The following PTPRG variants were observed in gnomAD, a reference collection of about 807,000 sequenced individuals.
PTPRG encodes the protein protein tyrosine phosphatase receptor type G.
Under a neutral mutation model 165.3 loss-of-function variants are expected in PTPRG, and 102 were observed. That is an observed-to-expected ratio of 0.62 (90% CI 0.53 to 0.73). The LOEUF (loss-of-function observed/expected upper bound fraction) is 0.73. Among genes scored for constraint, PTPRG ranks in the 30% least tolerant of loss-of-function variants. PTPRG has a pLI of 0.00. For synonymous variants in PTPRG, 675 were observed against 669.5 expected, an observed-to-expected ratio of 1.01 and a Z score of -0.13; for missense variants, 1,866 against 1,861.4, an observed-to-expected ratio of 1.00 and a Z score of -0.05.
intron 1 of PTPRG, among the ~76,000 whole-genome samples, chr3:61,648,170 A>C (rs1036444910): frequency 2.0e-5 from 3 of 152,118 alleles, no homozygotes; most frequent in Non-Finnish European, 4.4e-5. Context: ...GGTGTTGTGG[A>C]CCCCCATGGT....
At chr3:61,819,796 A>G (rs1319962584) in intron 2 of PTPRG, among the ~76,000 whole-genome samples, 1 of 152,226 alleles carries the variant, frequency 6.6e-6, no homozygotes, top group African/African-American at 2.4e-5. Flanking sequence ...GTAAATGGAG[A>G]TAAAAGGGGA....
chr3:61,659,443 T>C, intron 1 of PTPRG: 1 of 985,312 alleles, frequency 1.0e-6, no homozygotes, highest in Non-Finnish European at 1.2e-6. Flanking sequence ...AAAAAGCCTT[T>C]GCAGGTTTGT....
At chr3:61,766,322 C>A (rs761130443) in intron 2 of PTPRG, among the ~76,000 whole-genome samples, 1 of 152,172 alleles carries the variant, frequency 6.6e-6, no homozygotes, top group African/African-American at 2.4e-5. Context: ...ATTTTAACAT[C>A]TTTTTCCTAC....
At chr3:62,015,153 G>A (rs2041510917) in intron 4 of PTPRG, among the ~76,000 whole-genome samples, 3 of 152,186 alleles carry the variant, frequency 2.0e-5, no homozygotes, top group East Asian at 1.9e-4. Flanking sequence ...TCTAAATGAC[G>A]CACAGTGTTT....
Position 61,741,563 on chromosome 3 carries a change from T to C in PTPRG, c.86-7315T>C, listed in dbSNP as rs376131665. ...ACCCTTATGTGTTACTACGCTGTTT[T>C]GCTTTGATCATAGGATGTGCAGCCA... On this transcript the variant is annotated intron_variant, in intron 1 of 29. Transcript: ENST00000474889. Among the ~76,000 whole-genome samples the C allele has an allele frequency of 2.5e-4, 38 of 152,364 alleles. No homozygotes were observed. In the South Asian group the frequency reaches 4.6e-3, roughly 18 times the overall value.
intron 4 of PTPRG, among the ~76,000 whole-genome samples, chr3:62,029,175 C>T (rs1699681944): frequency 6.6e-6 from 1 of 152,128 alleles, no homozygotes; most frequent in African/African-American, 2.4e-5. Flanking sequence ...GGGCCAGATG[C>T]ATCTAGGATA....
At chr3:62,024,651 A>T (rs2041767573) in intron 4 of PTPRG, among the ~76,000 whole-genome samples, 1 of 152,210 alleles carries the variant, frequency 6.6e-6, no homozygotes, top group Non-Finnish European at 1.5e-5. Flanking sequence ...CCATTTCTTC[A>T]TATGTCACCC....
chr3:62,212,226 T>C (rs1330385580), intron 12 of PTPRG, among the ~76,000 whole-genome samples: 1 of 152,152 alleles, frequency 6.6e-6, no homozygotes, highest in Non-Finnish European at 1.5e-5. Context: ...TCTGAGTAGC[T>C]GTTCACCTGC....
At chr3:61,679,864 A>G (rs1703368584) in intron 1 of PTPRG, among the ~76,000 whole-genome samples, 2 of 152,192 alleles carry the variant, frequency 1.3e-5, no homozygotes, top group South Asian at 2.1e-4. Context: ...CAGGGTTTAA[A>G]TGGAATGCAG....
intron 2 of PTPRG, among the ~76,000 whole-genome samples, chr3:61,966,624 G>A (rs1031914454): frequency 1.1e-4 from 17 of 151,898 alleles, no homozygotes; most frequent in African/African-American, 4.1e-4. Flanking sequence ...TCATTCATTC[G>A]TGTTTTTTTT....
At chr3:61,594,283 A>G (rs1369932264) in intron 1 of PTPRG, among the ~76,000 whole-genome samples, 1 of 152,046 alleles carries the variant, frequency 6.6e-6, no homozygotes, top group Admixed American at 6.5e-5. Flanking sequence ...GTGGATTACA[A>G]TGCAGAGCCC....
chr3:62,012,663 C>T (rs183434830), intron 4 of PTPRG, among the ~76,000 whole-genome samples: 91 of 152,026 alleles, frequency 6.0e-4, no homozygotes, highest in Admixed American at 9.8e-4. Flanking sequence ...CAACCCGTCA[C>T]GTGAGGTCAG....
intron 2 of PTPRG, among the ~76,000 whole-genome samples, chr3:61,912,019 T>C (rs905925267): frequency 6.6e-6 from 1 of 152,202 alleles, no homozygotes; most frequent in African/African-American, 2.4e-5. Flanking sequence ...GTGTGCATCA[T>C]TTGATGTCCT....
intron 2 of PTPRG, among the ~76,000 whole-genome samples, chr3:61,935,664 C>T (rs1185391083): frequency 1.4e-5 from 2 of 144,666 alleles, no homozygotes; most frequent in African/African-American, 2.6e-5. Flanking sequence ...TTTTTTTAAT[C>T]GTATTCTTAT....
rs188196261 is a variant in PTPRG, at chr3:62,240,253, C to T, written c.2376-3554C>T. On this transcript the variant is annotated intron_variant, in intron 14 of 29. Transcript: ENST00000474889. This position sits in a 1 kb window ranked among gnomAD's most constrained non-coding sequence, Gnocchi z 5.1. ...AGGCACGAGAGGCGTGAGAATCGCC[C>T]GAACCTGGGAGGCGGAGGTTGCAGT... 1.2e-4 allele frequency among the ~76,000 whole-genome samples: 19 copies of T among 152,118 alleles called. No homozygotes were observed. Among genetic ancestry groups the T allele is most frequent in the African/African-American group, 4.3e-4 (18 of 41,490 alleles).
intron 1 of PTPRG, chr3:61,743,010 C>A (rs2033056930): frequency 6.4e-7 from 1 of 1,557,768 alleles, no homozygotes; most frequent in Non-Finnish European, 8.9e-7. Flanking sequence ...TGATCTGCAA[C>A]TCCACCGTCT....
At chr3:62,023,375 G>C (rs1033347981) in intron 4 of PTPRG, among the ~76,000 whole-genome samples, 11 of 152,092 alleles carry the variant, frequency 7.2e-5, no homozygotes, top group African/African-American at 2.7e-4. Flanking sequence ...GTTACTATGA[G>C]TGTATATCTC....
At chr3:61,910,204 CA>C (rs1318659048) in intron 2 of PTPRG, among the ~76,000 whole-genome samples, 3 of 152,160 alleles carry the variant, frequency 2.0e-5, no homozygotes, top group African/African-American at 7.2e-5. Context: ...TGTATTGATC[CA>C]TCCCATTCTT....
chr3:61,563,286 T>C (rs568612074), intron 1 of PTPRG, among the ~76,000 whole-genome samples: 141 of 152,254 alleles, frequency 9.3e-4, no homozygotes, highest in Non-Finnish European at 1.8e-3. Flanking sequence ...GTCTCGCTCC[T>C]TTCTGGCCAG....
Sources: gnomAD v4.1 joint callset for allele counts (sites outside exome capture counted in the v4.1 genomes callset) on GRCh38, gnomAD v4.1.1 for gene constraint, Gnocchi (gnomAD v3.1) non-coding constraint, MANE v1.5 for transcripts, NCBI Gene and HGNC (gene_info 2026-07-23, HGNC 2026-07-21) for gene names.